POLR3B: variants seen among roughly 807,000 people sequenced by gnomAD.
The protein encoded by POLR3B is DNA-directed RNA polymerase III subunit RPC2.
In POLR3B, 96 loss-of-function variants were observed where a neutral mutation model predicts 147.4. That is an observed-to-expected ratio of 0.65 (90% CI 0.55 to 0.77). The LOEUF (loss-of-function observed/expected upper bound fraction) is 0.77. Among genes scored for constraint, POLR3B ranks in the 30% least tolerant of loss-of-function variants. The pLI, the probability that POLR3B is intolerant of heterozygous loss-of-function variation, is 0.00. For missense variants in POLR3B, 1,036 were observed against 1,413.5 expected, an observed-to-expected ratio of 0.73 and a Z score of 4.28; for synonymous variants, 461 against 485.9, an observed-to-expected ratio of 0.95 and a Z score of 0.67.
In POLR3B at chr12:106,427,181, T is replaced by TTC. The variant is rs1555213165; in HGVS notation, c.1102-15_1102-14insCT. 7.6e-5 allele frequency: 47 copies of TTC among 618,464 alleles called. No individual in the cohort carries two copies. In the South Asian group the frequency reaches 1.9e-3, roughly 25 times the overall value. The allele number at this position is 618,464 out of a possible 1,614,324, so 38.3% of individuals were successfully genotyped here. A position where few individuals can be genotyped will look rare whatever the true frequency, so the allele number is the denominator to read the frequency against. On this transcript the variant is annotated splice_polypyrimidine_tract_variant and intron_variant, in intron 12 of 27. Transcript: ENST00000228347. ...CTTTTTGAAAAATCACCATATACCT[T>TTC]TTTTTTTTTTTTTAGCTTTTATCTC...
At chr12:106,482,320 T>G (rs1425985554) in intron 23 of POLR3B, among the ~76,000 whole-genome samples, 2 of 152,246 alleles carry the variant, frequency 1.3e-5, no homozygotes, top group African/African-American at 4.8e-5. Flanking sequence ...AGTGTGTTAT[T>G]CCATTCTCAC....
chr12:106,453,720 T>A (rs1383999103), intron 19 of POLR3B, among the ~76,000 whole-genome samples: 1 of 152,030 alleles, frequency 6.6e-6, no homozygotes, highest in Non-Finnish European at 1.5e-5. Context: ...CCCAGTGTGT[T>A]TATAAGGGGA....
At chr12:106,403,211 G>A (rs1466618735) in intron 10 of POLR3B, among the ~76,000 whole-genome samples, 1 of 151,910 alleles carries the variant, frequency 6.6e-6, no homozygotes, top group Non-Finnish European at 1.5e-5. Context: ...ATGAAAAAAT[G>A]CTCATCATCA....
At chr12:106,449,116 T>C (rs2037764213) in intron 19 of POLR3B, among the ~76,000 whole-genome samples, 1 of 152,230 alleles carries the variant, frequency 6.6e-6, no homozygotes, top group Non-Finnish European at 1.5e-5. Flanking sequence ...TAATAAGATA[T>C]CTTGGGGATG....
At chr12:106,492,753 A>T (rs908099289) in intron 23 of POLR3B, among the ~76,000 whole-genome samples, 2 of 152,216 alleles carry the variant, frequency 1.3e-5, no homozygotes, top group African/African-American at 2.4e-5. Flanking sequence ...GTGGATCGGC[A>T]GTCAGATTTA....
In POLR3B at chr12:106,439,422, T is replaced by C. The variant is rs964762707; in HGVS notation, c.1955+1643T>C. 5.3e-5 allele frequency among the ~76,000 whole-genome samples: 8 copies of C among 151,664 alleles called. No homozygotes were observed. In the East Asian group the frequency reaches 1.6e-3, roughly 29 times the overall value. On this transcript the variant is annotated intron_variant, in intron 18 of 27. Transcript: ENST00000228347. ...GTTTTCTGCTACCAAATGAAATATA[T>C]TACTTTTTAGAAGATTATAATTTAC...
intron 1 of POLR3B, chr12:106,358,334 A>G (rs947148736): frequency 6.6e-6 from 6 of 904,070 alleles, no homozygotes; most frequent in African/African-American, 5.2e-5. Flanking sequence ...ATGAGGCACC[A>G]CAGCCGGCTG....
intron 12 of POLR3B, among the ~76,000 whole-genome samples, chr12:106,419,148 CCT>C (rs1319707757): frequency 6.6e-6 from 1 of 152,140 alleles, no homozygotes; most frequent in Non-Finnish European, 1.5e-5. Flanking sequence ...TTCTTCATCC[CCT>C]CTCACCCCTC....
chr12:106,393,003 C>A, intron 9 of POLR3B, 28 bp from the exon 10 acceptor site: 1 of 1,613,894 alleles, frequency 6.2e-7, no homozygotes, highest in South Asian at 1.1e-5. Flanking sequence ...AAAGCCAACA[C>A]TCTTTCTATC....
At chr12:106,472,070 A>G (rs368869154) in intron 23 of POLR3B, among the ~76,000 whole-genome samples, 2 of 110,276 alleles carry the variant, frequency 1.8e-5, no homozygotes, top group East Asian at 4.8e-4. Context: ...TGTCCATGTG[A>G]TCTCATTGTT....
intron 23 of POLR3B, among the ~76,000 whole-genome samples, chr12:106,491,272 G>A (rs2038405305): frequency 6.6e-6 from 1 of 152,156 alleles, no homozygotes; most frequent in Non-Finnish European, 1.5e-5. Context: ...CCAGAAAGTG[G>A]TGCTTCCCCC....
At chr12:106,424,740 T>C (rs1225371941) in intron 12 of POLR3B, among the ~76,000 whole-genome samples, 1 of 152,174 alleles carries the variant, frequency 6.6e-6, no homozygotes, top group Non-Finnish European at 1.5e-5. Context: ...ACATTTTTAC[T>C]TAAGTTTTAG....
chr12:106,364,766 G>A (rs1057181506), intron 2 of POLR3B, among the ~76,000 whole-genome samples: 22 of 152,194 alleles, frequency 1.4e-4, no homozygotes, highest in African/African-American at 5.3e-4. Context: ...GTATTATTTG[G>A]CAATAAAAAG....
At chr12:106,410,267 A>G (rs1016636396) in intron 11 of POLR3B, 3 of 153,834 alleles carry the variant, frequency 2.0e-5, no homozygotes, top group African/African-American at 7.2e-5. Context: ...GGTTTGAGTC[A>G]TCTGGAAGCT....
chr12:106,499,402 A>T (rs1215619821), intron 25 of POLR3B, among the ~76,000 whole-genome samples: 1 of 152,212 alleles, frequency 6.6e-6, no homozygotes, highest in Non-Finnish European at 1.5e-5. Context: ...CCCCAGCCAG[A>T]GTTTTCCTTT....
chr12:106,453,724 A>G (rs1239949614), intron 19 of POLR3B, among the ~76,000 whole-genome samples: 2 of 152,114 alleles, frequency 1.3e-5, no homozygotes, highest in Admixed American at 6.5e-5. Context: ...GTGTGTTTAT[A>G]AGGGGAAATG....
Position 106,427,179 on chromosome 12 carries a change from C to CTTT in POLR3B, c.1102-5_1102-3dup, listed in dbSNP as rs202125845. 133 of 1,229,420 alleles carry CTTT rather than the reference C, an allele frequency of 1.1e-4. No individual in the cohort carries two copies. Among genetic ancestry groups the CTTT allele is most frequent in the African/African-American group, 6.5e-4 (40 of 61,750 alleles). 76.2% of individuals were successfully genotyped at this position (1,229,420 alleles called of 1,614,324 possible). A position where few individuals can be genotyped will look rare whatever the true frequency, so the allele number is the denominator to read the frequency against. ...TGCTTTTTGAAAAATCACCATATACCTTTTTTTTTTTTTTTAGCTTTTATC... is the reference window on the plus strand; with the variant it reads ...TGCTTTTTGAAAAATCACCATATACCTTTTTTTTTTTTTTTTTTAGCTTTTATC... On this transcript the variant is annotated splice_polypyrimidine_tract_variant and intron_variant, in intron 12 of 27. Transcript: ENST00000228347.
Position 106,503,937 on chromosome 12 carries a change from C to T in POLR3B, c.3099-144C>T, listed in dbSNP as rs1592783037. 1.1e-5 allele frequency: 8 copies of T among 735,724 alleles called. No homozygotes were observed. The East Asian group carries it at 1.5e-4, about 14-fold the overall frequency. The allele number at this position is 735,724 out of a possible 1,614,324, so 45.6% of individuals were successfully genotyped here. A position where few individuals can be genotyped will look rare whatever the true frequency, so the allele number is the denominator to read the frequency against. On this transcript the variant is annotated intron_variant, in intron 26 of 27. Transcript: ENST00000228347. ...CACTTTTACAAATGAGGCTAAGCAG[C>T]GTGTCCAAGGTCCCTGTCCAGTTAT... is the stretch of plus-strand genomic sequence containing the variant.
chr12:106,479,108 G>A (rs971243311), intron 23 of POLR3B, among the ~76,000 whole-genome samples: 15 of 152,042 alleles, frequency 9.9e-5, no homozygotes, highest in Non-Finnish European at 1.3e-4. Context: ...GGACACCGTC[G>A]CATCCTGGAG....
Sources: allele counts gnomAD v4.1 joint callset (sites outside exome capture counted in the v4.1 genomes callset), GRCh38; gene constraint gnomAD v4.1.1; transcripts MANE v1.5; gene names NCBI Gene and HGNC (gene_info 2026-07-23, HGNC 2026-07-21).